PLXNA2: variants seen among roughly 807,000 people sequenced by gnomAD.
PLXNA2 encodes the protein plexin A2.
In PLXNA2, 91 loss-of-function variants were observed where a neutral mutation model predicts 193.5. The ratio of observed to expected loss-of-function variants is 0.47; its 90% confidence interval spans 0.40 to 0.56. The LOEUF (loss-of-function observed/expected upper bound fraction) is 0.56, where lower values mean the gene tolerates loss of function less well. PLXNA2 is among the 20% of genes least tolerant of loss of function. PLXNA2 has a pLI of 0.00. For missense variants in PLXNA2, 1,995 were observed against 2,503.2 expected, an observed-to-expected ratio of 0.80 and a Z score of 4.33; for synonymous variants, 997 against 1,027.3, an observed-to-expected ratio of 0.97 and a Z score of 0.56.
intron 12 of PLXNA2, among the ~76,000 whole-genome samples, chr1:208,075,392 G>A (rs34522504): frequency 6.6e-6 from 1 of 152,122 alleles, no homozygotes; most frequent in African/African-American, 2.4e-5. Context: ...AAACACCATA[G>A]AAATGAGGTT....
intron 1 of PLXNA2, among the ~76,000 whole-genome samples, chr1:208,243,049 G>T (rs1318280697): frequency 6.6e-6 from 1 of 152,160 alleles, no homozygotes; most frequent in Non-Finnish European, 1.5e-5. Flanking sequence ...CCCGGGAGAT[G>T]AAACACTTAG....
At chr1:208,101,821 T>G (rs1667106165) in intron 5 of PLXNA2, among the ~76,000 whole-genome samples, 1 of 152,286 alleles carries the variant, frequency 6.6e-6, no homozygotes, top group Admixed American at 6.5e-5. Flanking sequence ...GAGGTACCGC[T>G]GGACATGACC....
At chr1:208,163,957 C>T (rs1669215008) in intron 3 of PLXNA2, among the ~76,000 whole-genome samples, 1 of 152,206 alleles carries the variant, frequency 6.6e-6, no homozygotes, top group South Asian at 2.1e-4. Flanking sequence ...TTCTCATCAC[C>T]ACCCCCACAA....
At position 208,068,796 on chromosome 1, in the gene PLXNA2, C is replaced by T. The variant is rs149741571; in HGVS notation, c.2587-7959G>A. Among the ~76,000 whole-genome samples the T allele has an allele frequency of 1.1e-3, 165 of 152,364 alleles. No homozygotes were observed. In the Middle Eastern group the frequency reaches 0.024, roughly 22 times the overall value. On this transcript the variant is annotated intron_variant, in intron 12 of 31. Transcript: ENST00000367033. The stretch of plus-strand genomic sequence containing the variant: ...TTCCTCCCTGGGGTTCTTTCCCCCA[C>T]TTTAGGCACCTTTCATTCAGCTGTT...
intron 17 of PLXNA2, among the ~76,000 whole-genome samples, chr1:208,049,611 G>A (rs1423715963): frequency 2.0e-5 from 3 of 152,166 alleles, no homozygotes; most frequent in African/African-American, 4.8e-5. Context: ...GCCTAGTTAC[G>A]AAGAGTCTGG....
chr1:208,100,473 T>A (rs542985089), intron 5 of PLXNA2, among the ~76,000 whole-genome samples: 2 of 152,230 alleles, frequency 1.3e-5, no homozygotes, highest in South Asian at 2.1e-4. Flanking sequence ...ATGACAGTGT[T>A]AGCCCTTATA....
rs758294451 is a variant in PLXNA2, at chr1:208,186,320, G to A, written c.1371+23960C>T. Among the ~76,000 whole-genome samples, 16 of 152,086 alleles carry A rather than the reference G, an allele frequency of 1.1e-4. 1 individual carries two copies. The highest frequency in any genetic ancestry group is 4.6e-4 in the Admixed American group (7 of 15,260). On this transcript the variant is annotated intron_variant, in intron 3 of 31. Transcript: ENST00000367033. ...GTTTCCTTTTCTTGATTTTTAAAGT[G>A]GGGGTTGGGAGAGGGGGTTCATAAA...
At chr1:208,042,784 A>G (rs1486904978) in intron 21 of PLXNA2, among the ~76,000 whole-genome samples, 1 of 152,254 alleles carries the variant, frequency 6.6e-6, no homozygotes, top group Admixed American at 6.5e-5. Context: ...AGCCATCTTA[A>G]ATCCATTTTA....
chr1:208,135,020 C>A (rs567311723), intron 4 of PLXNA2, among the ~76,000 whole-genome samples: 12 of 152,284 alleles, frequency 7.9e-5, no homozygotes, highest in Admixed American at 7.2e-4. Flanking sequence ...ACAGGGCCTC[C>A]TCCAAATGGA....
intron 3 of PLXNA2, among the ~76,000 whole-genome samples, chr1:208,181,201 C>T (rs1214371373): frequency 2.6e-5 from 4 of 152,192 alleles, no homozygotes; most frequent in African/African-American, 9.7e-5. Flanking sequence ...TCCCATCTAC[C>T]ACTTCCCGAC....
chr1:208,183,757 A>T (rs1310449090), intron 3 of PLXNA2, among the ~76,000 whole-genome samples: 1 of 152,192 alleles, frequency 6.6e-6, no homozygotes, highest in African/African-American at 2.4e-5. Context: ...CAGATGAAAA[A>T]GAAATTGCAC....
At chr1:208,143,991 G>C (rs180750631) in intron 3 of PLXNA2, among the ~76,000 whole-genome samples, 1 of 152,320 alleles carries the variant, frequency 6.6e-6, no homozygotes, top group Non-Finnish European at 1.5e-5. Context: ...AGCGTGAACT[G>C]TGCACCAACT....
intron 4 of PLXNA2, among the ~76,000 whole-genome samples, chr1:208,140,776 A>G (rs1215081174): frequency 2.0e-5 from 3 of 152,264 alleles, no homozygotes; most frequent in Non-Finnish European, 4.4e-5. Flanking sequence ...AAAGAAGAAC[A>G]GGATAAAAGA....
intron 3 of PLXNA2, among the ~76,000 whole-genome samples, chr1:208,179,150 G>C (rs1169845763): frequency 6.6e-6 from 1 of 152,178 alleles, no homozygotes; most frequent in Non-Finnish European, 1.5e-5. Context: ...GAGAGGCGGG[G>C]AGGCTGCCAC....
At chr1:208,240,810 C>T (rs1041893603) in intron 1 of PLXNA2, among the ~76,000 whole-genome samples, 2 of 151,856 alleles carry the variant, frequency 1.3e-5, no homozygotes, top group Admixed American at 1.3e-4. Context: ...TCTCCATTTG[C>T]CATGATGGAC....
chr1:208,103,810 G>A (rs1667175565), intron 4 of PLXNA2, among the ~76,000 whole-genome samples: 1 of 152,166 alleles, frequency 6.6e-6, no homozygotes, highest in African/African-American at 2.4e-5. Flanking sequence ...CCCATCCTTT[G>A]AAAAGTCTGG....
intron 3 of PLXNA2, among the ~76,000 whole-genome samples, chr1:208,166,703 G>T (rs557466218): frequency 3.3e-5 from 5 of 152,182 alleles, no homozygotes; most frequent in Non-Finnish European, 7.3e-5. Context: ...AATGAAAACC[G>T]CAAAGAACAC....
chr1:208,117,895 G>A (rs1386422568), intron 4 of PLXNA2, among the ~76,000 whole-genome samples: 1 of 152,176 alleles, frequency 6.6e-6, no homozygotes, highest in African/African-American at 2.4e-5. Flanking sequence ...GTCTGGAACT[G>A]GACATTATCA....
chr1:208,061,033 T>C (rs554604554), intron 12 of PLXNA2, among the ~76,000 whole-genome samples, 196 bp from the exon 13 acceptor site: 2 of 152,330 alleles, frequency 1.3e-5, no homozygotes, highest in South Asian at 4.1e-4. Context: ...TGTTTTACAC[T>C]GCTTCCTCGG....
Sources: gnomAD v4.1 joint callset for allele counts (sites outside exome capture counted in the v4.1 genomes callset) on GRCh38, gnomAD v4.1.1 for gene constraint, MANE v1.5 for transcripts, NCBI Gene and HGNC (gene_info 2026-07-23, HGNC 2026-07-21) for gene names.